ATAD2B: variants seen among roughly 807,000 people sequenced by gnomAD.
ATAD2B encodes the protein ATPase family AAA domain-containing protein 2B.
A neutral mutation model predicts 167.6 loss-of-function variants in ATAD2B; 40 were observed. That is an observed-to-expected ratio of 0.24 (90% CI 0.19 to 0.31). The LOEUF (loss-of-function observed/expected upper bound fraction) is 0.31. Among genes scored for constraint, ATAD2B ranks in the 10% least tolerant of loss-of-function variants. The pLI is 1.00. For synonymous variants in ATAD2B, 579 were observed against 596.5 expected (o/e 0.97, Z 0.43); for missense variants, 1,242 against 1,757.2 (o/e 0.71, Z 5.24).
chr2:23,866,599 A>T (rs1012128719), intron 10 of ATAD2B, among the ~76,000 whole-genome samples: 5 of 152,158 alleles, frequency 3.3e-5, no homozygotes, highest in African/African-American at 1.2e-4. Flanking sequence ...ATAAGCAAAG[A>T]TCATTAGGTA....
the ATAD2B span, among the ~76,000 whole-genome samples, chr2:23,739,406 C>T: frequency 1.3e-5 from 2 of 152,114 alleles, no homozygotes; most frequent in Non-Finnish European, 2.9e-5. Flanking sequence ...TCACTCAAAA[C>T]CACTCAACTA....
At position 23,875,922 on chromosome 2, in the gene ATAD2B, G is replaced by A; in HGVS notation, c.902-18C>T. The A allele has an allele frequency of 6.6e-7, 1 of 1,523,308 alleles. No individual in the cohort carries two copies. Among genetic ancestry groups the A allele is most frequent in the Middle Eastern group, 1.7e-4 (1 of 5,888 alleles). 94.4% of individuals were successfully genotyped at this position (1,523,308 alleles called of 1,614,324 possible). A position where few individuals can be genotyped will look rare whatever the true frequency, so the allele number is the denominator to read the frequency against. On this transcript the variant is annotated intron_variant, in intron 7 of 27. Coordinates refer to ENST00000238789, the MANE Select transcript of ATAD2B (RefSeq NM_017552.4). Reference sequence around the variant, plus strand: ...AGCTGGTACTAAAAGGGAAGAAAAGGATAATAGAGAAATAACTAATAAATT... The same window carrying A: ...AGCTGGTACTAAAAGGGAAGAAAAGAATAATAGAGAAATAACTAATAAATT...
intron 2 of ATAD2B, among the ~76,000 whole-genome samples, chr2:23,892,562 C>G (rs1482361971): frequency 6.6e-6 from 1 of 151,764 alleles, no homozygotes; most frequent in East Asian, 1.9e-4. Context: ...ACCTCTGTCT[C>G]CCAGGTTCAA....
chr2:23,828,529 T>C (rs1390673682), intron 15 of ATAD2B, among the ~76,000 whole-genome samples: 3 of 152,216 alleles, frequency 2.0e-5, no homozygotes, highest in African/African-American at 7.2e-5. Flanking sequence ...AGTTCAAGCT[T>C]ATTTTTCTTA....
intron 15 of ATAD2B, among the ~76,000 whole-genome samples, chr2:23,823,998 G>A (rs958707693): frequency 5.3e-5 from 8 of 151,898 alleles, no homozygotes; most frequent in African/African-American, 1.9e-4. Flanking sequence ...CAGCCAGGCT[G>A]GAGTGCAGTG....
chr2:23,799,044 AG>A (rs1209414306), intron 18 of ATAD2B, among the ~76,000 whole-genome samples: 2 of 152,202 alleles, frequency 1.3e-5, no homozygotes, highest in Non-Finnish European at 2.9e-5. Context: ...AATAGGGACC[AG>A]GTTGGCTATT....
chr2:23,836,904 G>C (rs1690077462), intron 13 of ATAD2B, among the ~76,000 whole-genome samples: 1 of 152,146 alleles, frequency 6.6e-6, no homozygotes, highest in Non-Finnish European at 1.5e-5. Flanking sequence ...GGCAGGCCCA[G>C]AAAAAGCACC....
the ATAD2B span, among the ~76,000 whole-genome samples, chr2:23,741,446 A>G: frequency 6.6e-6 from 1 of 152,066 alleles, no homozygotes; most frequent in African/African-American, 2.4e-5. Context: ...AAAACAAGAA[A>G]TGGGGAAAGG....
At chr2:23,877,797 C>T (rs1168153285) in intron 7 of ATAD2B, among the ~76,000 whole-genome samples, 2 of 149,070 alleles carry the variant, frequency 1.3e-5, no homozygotes, top group Non-Finnish European at 3.0e-5. Flanking sequence ...GCGGTAGAAG[C>T]TGCAGTGAGC....
chr2:23,859,208 TAA>T (rs1002986816), intron 12 of ATAD2B, among the ~76,000 whole-genome samples: 1 of 152,232 alleles, frequency 6.6e-6, no homozygotes, highest in African/African-American at 2.4e-5. Context: ...TATATATCCA[TAA>T]AAGTCATTTA....
chr2:23,741,746 G>A, the ATAD2B span, among the ~76,000 whole-genome samples: 13 of 151,776 alleles, frequency 8.6e-5, no homozygotes, highest in East Asian at 3.9e-4. Context: ...CAAAAGAAAC[G>A]ACCATCAGAG....
At chr2:23,734,301 C>G in the ATAD2B span, among the ~76,000 whole-genome samples, 1 of 152,104 alleles carries the variant, frequency 6.6e-6, no homozygotes, top group African/African-American at 2.4e-5. Context: ...GGACTACAGG[C>G]ACGTGTCACC....
the ATAD2B span, among the ~76,000 whole-genome samples, chr2:23,692,991 T>C: frequency 6.6e-6 from 1 of 151,892 alleles, no homozygotes; most frequent in Non-Finnish European, 1.5e-5. Context: ...TGAGCAGGGC[T>C]CTCCTGCTCC....
chr2:23,880,073 G>C (rs1313409871), intron 7 of ATAD2B, among the ~76,000 whole-genome samples: 2 of 143,782 alleles, frequency 1.4e-5, no homozygotes, highest in African/African-American at 2.6e-5. Context: ...AAAAAAAAAA[G>C]AGAGAGAGAG....
chr2:23,712,291 T>C, the ATAD2B span, among the ~76,000 whole-genome samples: 1 of 152,222 alleles, frequency 6.6e-6, no homozygotes, highest in African/African-American at 2.4e-5. Context: ...GTGAATGGGA[T>C]AGACATTCAG....
chr2:23,680,085 G>A, the ATAD2B span, among the ~76,000 whole-genome samples: 1 of 152,200 alleles, frequency 6.6e-6, no homozygotes, highest in South Asian at 2.1e-4. This position sits in a 1 kb window ranked among gnomAD's most constrained non-coding sequence, Gnocchi z 4.1. Context: ...CAGTGTGGAG[G>A]TGGCCTGGAG....
chr2:23,868,092 C>T (rs1695410767), intron 9 of ATAD2B, 146 bp from the exon 10 acceptor site: 3 of 610,236 alleles, frequency 4.9e-6, no homozygotes, highest in Non-Finnish European at 8.4e-6. Flanking sequence ...CATACTTTTA[C>T]TCTACTTTTC....
chr2:23,695,939 A>G, the ATAD2B span: 37 of 1,550,448 alleles, frequency 2.4e-5, no homozygotes, highest in Non-Finnish European at 3.0e-5. The surrounding 1 kb of genome is among the most constrained non-coding windows in gnomAD (Gnocchi z 7.6). Flanking sequence ...GCGCCCATCC[A>G]TGTCCCTGCA....
At chr2:23,831,535 C>T (rs1190364713) in intron 14 of ATAD2B, among the ~76,000 whole-genome samples, 3 of 152,178 alleles carry the variant, frequency 2.0e-5, no homozygotes, top group Non-Finnish European at 4.4e-5. Context: ...TTATGCCTTT[C>T]TCCTAGCAGA....
Sources: gnomAD v4.1 joint callset for allele counts (sites outside exome capture counted in the v4.1 genomes callset) on GRCh38, gnomAD v4.1.1 for gene constraint, Gnocchi (gnomAD v3.1) non-coding constraint, MANE v1.5 for transcripts, NCBI Gene and HGNC (gene_info 2026-07-23, HGNC 2026-07-21) for gene names.